Variants in CCDC141 observed in about 807,000 individuals in gnomAD.
CCDC141 encodes coiled-coil domain-containing protein 141.
Under a neutral mutation model 181.0 loss-of-function variants are expected in CCDC141, and 168 were observed. The observed-to-expected ratio is 0.93, with a 90% CI of 0.82 to 1.05. The LOEUF is 1.05. Ranked by LOEUF, CCDC141 falls within the 50% of genes least tolerant of loss-of-function variation. CCDC141 has a pLI of 0.00. For missense variants in CCDC141, 1,902 were observed against 1,788.5 expected, an observed-to-expected ratio of 1.06 and a Z score of -1.14; for synonymous variants, 666 against 642.3, an observed-to-expected ratio of 1.04 and a Z score of -0.56.
At chr2:179,043,957 G>A (rs2043398313) in intron 2 of CCDC141, among the ~76,000 whole-genome samples, 1 of 152,180 alleles carries the variant, frequency 6.6e-6, no homozygotes, top group South Asian at 2.1e-4. Flanking sequence ...CTTCAGCAAA[G>A]TCTCAGGATA....
chr2:178,955,519 CT>C (rs1690123602), intron 5 of CCDC141, among the ~76,000 whole-genome samples: 1 of 151,990 alleles, frequency 6.6e-6, no homozygotes, highest in East Asian at 1.9e-4. Context: ...ATACTATACA[CT>C]TATTAAAATT....
In CCDC141 at chr2:178,878,140, C is replaced by A; in HGVS notation, c.1723G>T (p.Glu575Ter). ...VAFLKSSEEVEMQFQSLKEFY... is the reference protein window; with the variant it reads ...VAFLKSSEEV ...TCTTTTAAGCTCTGAAACTGCATCT[C>A]TACCTAAAAAAGAAAAAAGAGAGTT... The change falls in exon 12 of 24, where the codon GAG (glutamate) becomes TAG (stop). Residue 575 changes from glutamate to a stop codon, truncating the protein, a stop_gained. Transcript: ENST00000443758. LOFTEE classifies it high-confidence loss of function. 2 of 1,589,514 alleles carry A rather than the reference C, an allele frequency of 1.3e-6. No individual in the cohort carries two copies. The highest frequency in any genetic ancestry group is 1.9e-5 in the Admixed American group (1 of 52,298).
At chr2:178,959,121 G>T (rs957078144) in intron 5 of CCDC141, among the ~76,000 whole-genome samples, 2 of 146,632 alleles carry the variant, frequency 1.4e-5, no homozygotes, top group Non-Finnish European at 3.0e-5. Context: ...GGAAGGGGAA[G>T]ATCACACACT....
At chr2:178,966,681 G>A (rs754960364) in intron 4 of CCDC141, among the ~76,000 whole-genome samples, 9 of 152,022 alleles carry the variant, frequency 5.9e-5, no homozygotes, top group South Asian at 2.1e-4. Context: ...CCAAAAACCC[G>A]AATGCTGCTT....
chr2:178,934,114 C>A (rs978886900), intron 6 of CCDC141, among the ~76,000 whole-genome samples: 1 of 151,922 alleles, frequency 6.6e-6, no homozygotes, highest in Non-Finnish European at 1.5e-5. Context: ...TTTCAACACC[C>A]CCCAGGTGAC....
chr2:178,981,042 A>C lies in CCDC141; in HGVS notation c.226-2367T>G, dbSNP rs562930146. On this transcript the variant is annotated intron_variant, in intron 2 of 23. Transcript: ENST00000443758. ...GTAATAATAAAGGAGTCAATCTACAAGAAGGCATGACAATTCTAAATGGGT... is the reference window on the plus strand; with the variant it reads ...GTAATAATAAAGGAGTCAATCTACACGAAGGCATGACAATTCTAAATGGGT... Among the ~76,000 whole-genome samples the C allele has an allele frequency of 9.2e-5, 14 of 152,336 alleles. No individual in the cohort carries two copies. The East Asian group carries it at 2.7e-3, about 29-fold the overall frequency.
intron 22 of CCDC141, among the ~76,000 whole-genome samples, chr2:178,844,093 T>C (rs1200541210): frequency 6.6e-6 from 1 of 152,234 alleles, no homozygotes; most frequent in Non-Finnish European, 1.5e-5. Context: ...CAAGAAAAAC[T>C]ACTTTTACTA....
chr2:178,881,182 T>A (rs992214487), intron 11 of CCDC141, among the ~76,000 whole-genome samples: 1 of 148,604 alleles, frequency 6.7e-6, no homozygotes, highest in Non-Finnish European at 1.5e-5. Context: ...GACAGGATTA[T>A]TCCACTTATG....
intron 2 of CCDC141, among the ~76,000 whole-genome samples, chr2:179,001,054 G>A (rs1202279175): frequency 6.6e-6 from 1 of 152,096 alleles, no homozygotes; most frequent in African/African-American, 2.4e-5. Flanking sequence ...GCAGAGCAGT[G>A]TTTCTCAATC....
chr2:178,942,396 T>C (rs1409992951), intron 6 of CCDC141, among the ~76,000 whole-genome samples: 1 of 152,108 alleles, frequency 6.6e-6, no homozygotes, highest in Non-Finnish European at 1.5e-5. Flanking sequence ...AAAACACCAA[T>C]CTGAAAGCCT....
chr2:178,881,614 C>A (rs576772650), intron 11 of CCDC141, among the ~76,000 whole-genome samples: 1 of 151,854 alleles, frequency 6.6e-6, no homozygotes, highest in African/African-American at 2.4e-5. Context: ...AGGAATAAAG[C>A]GAATTGCAGT....
chr2:178,923,167 G>T (rs561719710), intron 6 of CCDC141, among the ~76,000 whole-genome samples: 3 of 148,338 alleles, frequency 2.0e-5, no homozygotes, highest in Non-Finnish European at 3.0e-5. Context: ...TGCAGTGGCG[G>T]GATCTCGGCT....
rs1428681141 is a variant in CCDC141 at position 178,865,896 on chromosome 2, T to C, written c.2595A>G (p.Ala865=). 3 of 1,592,242 alleles carry C rather than the reference T, an allele frequency of 1.9e-6. No homozygotes were observed. The highest frequency in any genetic ancestry group is 3.5e-5 in the Admixed American group (2 of 56,642). ...GCTCCAGCTGCTGCTGTAGGTTCTT[T>C]GCAGAAACATTAGAGCAGTGCTAAA... is the stretch of plus-strand genomic sequence containing the variant. The part of the protein sequence containing the change: ...VQRPHCSNVS[A]KNLQQQLELL... Residue 865 remains alanine, a synonymous_variant, in exon 17 of 24, where the codon GCA becomes GCG. Coordinates refer to ENST00000443758, the MANE Select transcript of CCDC141 (RefSeq NM_173648.4).
chr2:178,816,648 G>A, the CCDC141 span, among the ~76,000 whole-genome samples: 23 of 152,108 alleles, frequency 1.5e-4, no homozygotes, highest in Admixed American at 2.6e-4. Context: ...GCCGTTTTGC[G>A]TTCCCACCAA....
chr2:178,837,443 C>T lies in CCDC141; in HGVS notation c.3776G>A (p.Gly1259Glu). Reference protein sequence around the residue: ...YGVQAGTSSPGDAQESVLPPP... With the variant: ...YGVQAGTSSPEDAQESVLPPP... ...TGGAAGAACAGATTCCTGGGCATCC[C>T]CTGGGCTGCTGGTCCCAGCCTGCAC... The change falls in exon 23 of 24, where the codon GGG (glycine) becomes GAG (glutamate). Residue 1259 changes from glycine (G) to glutamate (E), a missense_variant. Gly to Glu is a moderately conservative substitution (Grantham distance 98). Coordinates refer to ENST00000443758, the MANE Select transcript of CCDC141 (RefSeq NM_173648.4). 2 of 1,614,080 alleles carry T rather than the reference C, an allele frequency of 1.2e-6. No homozygotes were observed. Among genetic ancestry groups the T allele is most frequent in the South Asian group, 2.2e-5 (2 of 91,070 alleles).
intron 8 of CCDC141, among the ~76,000 whole-genome samples, chr2:178,902,239 G>T (rs1687732542): frequency 6.6e-6 from 1 of 152,116 alleles, no homozygotes; most frequent in Admixed American, 6.5e-5. Context: ...TTTCTTCACA[G>T]AATTGGAAAA....
chr2:178,987,425 A>T, intron 2 of CCDC141, among the ~76,000 whole-genome samples: 1 of 152,134 alleles, frequency 6.6e-6, no homozygotes. Context: ...CTTCATGTCT[A>T]AAACACCAAA....
At chr2:178,870,628 G>T (rs1013363772) in intron 14 of CCDC141, among the ~76,000 whole-genome samples, 2 of 152,084 alleles carry the variant, frequency 1.3e-5, no homozygotes, top group Admixed American at 1.3e-4. Context: ...TAGCAGGTGC[G>T]GTGGTTATAC....
At chr2:179,002,282 G>T in intron 2 of CCDC141, 1 of 262,578 alleles carries the variant, frequency 3.8e-6, no homozygotes, top group South Asian at 4.3e-5. Flanking sequence ...ACCTGCTACT[G>T]AGTACAGGGC....
Sources: allele counts gnomAD v4.1 joint callset (sites outside exome capture counted in the v4.1 genomes callset), GRCh38; gene constraint gnomAD v4.1.1; transcripts MANE v1.5; gene names NCBI Gene and HGNC (gene_info 2026-07-23, HGNC 2026-07-21).